Variants in CELF2 observed in about 807,000 individuals in gnomAD.
CELF2 encodes CUG triplet repeat RNA-binding protein 2.
In CELF2, 8 loss-of-function variants were observed where a neutral mutation model predicts 62.6. The ratio of observed to expected loss-of-function variants is 0.13; its 90% confidence interval spans 0.07 to 0.23. The LOEUF (loss-of-function observed/expected upper bound fraction) is 0.23, where lower values mean the gene tolerates loss of function less well. Ranked by LOEUF, CELF2 falls within the 10% of genes least tolerant of loss-of-function variation. The pLI, the probability that CELF2 is intolerant of heterozygous loss-of-function variation, is 1.00. For missense variants in CELF2, 333 were observed against 671.0 expected, an observed-to-expected ratio of 0.50 and a Z score of 5.56; for synonymous variants, 258 against 250.0, an observed-to-expected ratio of 1.03 and a Z score of -0.30.
rs1178015857 is a variant in CELF2 at position 11,318,550 on chromosome 10, C to T, written c.1097-2639C>T. 5.5e-6 allele frequency: 2 copies of T among 365,284 alleles called. No homozygotes were observed. The highest frequency in any genetic ancestry group is 4.3e-5 in the African/African-American group (2 of 46,740). The allele number at this position is 365,284 out of a possible 1,614,324, so 22.6% of individuals were successfully genotyped here. ...CTGAGGTGTAGTCCAGAGACACAGC[C>T]AGCCTCTGTGAAGTGGAGCCAGGAG... On this transcript the variant is annotated intron_variant, in intron 10 of 12. Transcript: ENST00000633077. The surrounding 1 kb of genome is among the most constrained non-coding windows in gnomAD (Gnocchi z 5.4).
chr10:10,641,004 T>C, the CELF2 span, among the ~76,000 whole-genome samples: 1 of 152,102 alleles, frequency 6.6e-6, no homozygotes, highest in Non-Finnish European at 1.5e-5. Context: ...AAACCGTCTT[T>C]AAGGAAGAAG....
the CELF2 span, among the ~76,000 whole-genome samples, chr10:10,628,686 A>G: frequency 6.6e-6 from 1 of 152,156 alleles, no homozygotes. Context: ...AATCCAGTCT[A>G]TCATTGATGG....
chr10:11,312,860 G>C (rs1482692104), intron 9 of CELF2, among the ~76,000 whole-genome samples: 1 of 152,324 alleles, frequency 6.6e-6, no homozygotes, highest in East Asian at 1.9e-4. Flanking sequence ...CTTGAACCTG[G>C]GAGGCAGGGG....
rs2066943927 is a variant in CELF2, at chr10:11,227,253, G to A, written c.354+9746G>A. 6.6e-6 allele frequency among the ~76,000 whole-genome samples: 1 copy of A among 152,200 alleles called. No individual in the cohort carries two copies. Among genetic ancestry groups the A allele is most frequent in the South Asian group, 2.1e-4 (1 of 4,834 alleles). Reference sequence around the variant, plus strand: ...CCTGTTGTTTTACTAATGAGGAAGTGATGGTCCAAGCAGTCAAGTCTGCAT... The same window carrying A: ...CCTGTTGTTTTACTAATGAGGAAGTAATGGTCCAAGCAGTCAAGTCTGCAT... On this transcript the variant is annotated intron_variant, in intron 3 of 12. Transcript: ENST00000633077. The surrounding 1 kb of genome is among the most constrained non-coding windows in gnomAD (Gnocchi z 4.8).
the CELF2 span, among the ~76,000 whole-genome samples, chr10:10,747,982 C>A: frequency 6.6e-6 from 1 of 152,120 alleles, no homozygotes; most frequent in Non-Finnish European, 1.5e-5. Flanking sequence ...CACAGAAAGA[C>A]AAATACTGCA....
At chr10:10,789,170 G>A in the CELF2 span, 1 of 152,182 alleles carries the variant, frequency 6.6e-6, no homozygotes. Flanking sequence ...CCTGTCCACA[G>A]TACCTCTATG....
At chr10:11,278,026 A>T (rs964617543) in intron 8 of CELF2, among the ~76,000 whole-genome samples, 1 of 152,272 alleles carries the variant, frequency 6.6e-6, no homozygotes, top group Admixed American at 6.5e-5. Context: ...CTGAAAACAT[A>T]CTGGTCGATG....
chr10:10,944,509 A>G (rs1403418102), intron 2 of CELF2, among the ~76,000 whole-genome samples: 1 of 152,200 alleles, frequency 6.6e-6, no homozygotes, highest in Non-Finnish European at 1.5e-5. Flanking sequence ...ACTTCATTTC[A>G]TTTAAGAAGC....
chr10:10,983,486 CTG>C lies in CELF2; in HGVS notation c.89+63489_89+63490del, dbSNP rs1285966285. On this transcript the variant is annotated intron_variant, in intron 2 of 13. Transcript: ENST00000636488. This position sits in a 1 kb window ranked among gnomAD's most constrained non-coding sequence, Gnocchi z 5.2. ...GTTCTTGTACTGGACTCAATTCAGTCTGTAATTTTTACTGAGTCCCTACAAAG... is the reference window on the plus strand; with the variant it reads ...GTTCTTGTACTGGACTCAATTCAGTCTAATTTTTACTGAGTCCCTACAAAG... 1.3e-5 allele frequency among the ~76,000 whole-genome samples: 2 copies of C among 152,194 alleles called. No individual in the cohort carries two copies. Among genetic ancestry groups the C allele is most frequent in the Non-Finnish European group, 2.9e-5 (2 of 68,040 alleles).
the CELF2 span, among the ~76,000 whole-genome samples, chr10:10,699,005 T>C: frequency 2.6e-5 from 4 of 152,082 alleles, no homozygotes; most frequent in Admixed American, 2.6e-4. Context: ...TTAGTGTATA[T>C]AAAAATGCTT....
rs2095992601 is a variant in CELF2, at chr10:11,330,653, T to C, written c.*1600T>C. 1 of 152,660 alleles carries C rather than the reference T, an allele frequency of 6.6e-6. No homozygotes were observed. The highest frequency in any genetic ancestry group is 1.5e-5 in the Non-Finnish European group (1 of 68,042). The allele number at this position is 152,660 out of a possible 1,614,324, so 9.5% of individuals were successfully genotyped here. On this transcript the variant is annotated 3_prime_UTR_variant, in exon 13 of 13. Coordinates refer to ENST00000633077, the MANE Select transcript of CELF2 (RefSeq NM_001326342.2). This position sits in a 1 kb window ranked among gnomAD's most constrained non-coding sequence, Gnocchi z 4.5. ...CTAGCTATGAATTCTGGGAAGTCAA[T>C]GTGAAAAACATTGCTGCATTCATGC...
chr10:10,869,326 G>A (rs1004563176), intron 1 of CELF2, among the ~76,000 whole-genome samples: 2 of 152,192 alleles, frequency 1.3e-5, no homozygotes, highest in Non-Finnish European at 2.9e-5. Context: ...CACTTTGGGA[G>A]GCCAAGGCGG....
intron 1 of CELF2, among the ~76,000 whole-genome samples, chr10:11,106,970 T>G (rs2053660031): frequency 6.6e-6 from 1 of 152,192 alleles, no homozygotes; most frequent in South Asian, 2.1e-4. Flanking sequence ...TTCCCTGCCT[T>G]GTTATCCCCT....
chr10:11,305,667 C>G lies in CELF2; in HGVS notation c.977-8472C>G, dbSNP rs1565892139. ...ATGACCTAGGCACTCGGTCTCTGACCTACAGTGTTAACCTAAGACAAGAAT... is the reference window on the plus strand; with the variant it reads ...ATGACCTAGGCACTCGGTCTCTGACGTACAGTGTTAACCTAAGACAAGAAT... On this transcript the variant is annotated intron_variant, in intron 9 of 12. Coordinates refer to ENST00000633077, the MANE Select transcript of CELF2 (RefSeq NM_001326342.2). The surrounding 1 kb of genome is among the most constrained non-coding windows in gnomAD (Gnocchi z 4.8). 6.6e-6 allele frequency among the ~76,000 whole-genome samples: 1 copy of G among 152,184 alleles called. No homozygotes were observed.
chr10:11,203,964 G>A (rs938524793), intron 2 of CELF2, among the ~76,000 whole-genome samples: 2 of 152,220 alleles, frequency 1.3e-5, no homozygotes, highest in Admixed American at 1.3e-4. Context: ...CAACTGAAAG[G>A]ATGAAGCTCA....
chr10:11,323,424 AAATAAT>A (rs57666869), intron 11 of CELF2, among the ~76,000 whole-genome samples: 4,471 of 141,626 alleles, frequency 0.032, 92 homozygotes, highest in Middle Eastern at 0.058. Context: ...GGCAGAGCAA[AAATAAT>A]AATAATAATA....
the CELF2 span, among the ~76,000 whole-genome samples, chr10:10,541,242 CA>C: frequency 0.41 from 46,285 of 112,278 alleles, 8,649 homozygotes; most frequent in South Asian, 0.5. Flanking sequence ...GACCCCATCT[CA>C]AAAAAAAAAA....
At chr10:10,637,625 A>C in the CELF2 span, among the ~76,000 whole-genome samples, 2 of 152,332 alleles carry the variant, frequency 1.3e-5, no homozygotes, top group East Asian at 3.9e-4. Flanking sequence ...TTTCCAGCAA[A>C]GGTGACTGCG....
the CELF2 span, among the ~76,000 whole-genome samples, chr10:10,527,640 C>T: frequency 6.6e-6 from 1 of 152,090 alleles, no homozygotes; most frequent in Admixed American, 6.5e-5. Flanking sequence ...ATGGCCTGGA[C>T]CTTAGAGGAT....
Sources: allele counts gnomAD v4.1 joint callset (sites outside exome capture counted in the v4.1 genomes callset), GRCh38; gene constraint gnomAD v4.1.1; non-coding constraint Gnocchi (gnomAD v3.1); transcripts MANE v1.5; gene names NCBI Gene and HGNC (gene_info 2026-07-23, HGNC 2026-07-21).